CRIM1: variants seen among roughly 807,000 people sequenced by gnomAD.
CRIM1 encodes the protein cysteine rich transmembrane BMP regulator 1.
A neutral mutation model predicts 116.4 loss-of-function variants in CRIM1; 32 were observed. The ratio of observed to expected loss-of-function variants is 0.27; its 90% CI spans 0.21 to 0.37. CRIM1 has a LOEUF of 0.37. Among genes scored for constraint, CRIM1 ranks in the 10% least tolerant of loss-of-function variants. CRIM1 has a pLI of 1.00. For synonymous variants in CRIM1, 590 were observed against 509.2 expected, an observed-to-expected ratio of 1.16 and a Z score of -2.13; for missense variants, 1,331 against 1,354.8, an observed-to-expected ratio of 0.98 and a Z score of 0.28.
chr2:36,513,143 A>C (rs910370862), intron 10 of CRIM1: 7 of 209,494 alleles, frequency 3.3e-5, no homozygotes, highest in Non-Finnish European at 5.8e-5. Context: ...TCACTGCTTT[A>C]ATTGTTCTGC....
At chr2:36,547,576 TACTC>T (rs1667441183) in intron 16 of CRIM1, among the ~76,000 whole-genome samples, 3 of 152,094 alleles carry the variant, frequency 2.0e-5, no homozygotes, top group Admixed American at 6.6e-5. Flanking sequence ...ATGGAGATAA[TACTC>T]AGGAGAGGGC....
rs1679035743 is a variant in CRIM1, at chr2:36,477,034, C to T, written c.1137C>T (p.Tyr379=). The T allele has an allele frequency of 1.9e-6, 3 of 1,613,460 alleles. No individual in the cohort carries two copies. The highest frequency in any genetic ancestry group is 4.5e-5 in the East Asian group (2 of 44,848). Residue 379 remains tyrosine, a synonymous_variant, in exon 6 of 17, where the codon TAC becomes TAT. Transcript: ENST00000280527. ...AQCGEINCER[Y]YVPEGECCPV... ...GTGGTGAGATAAACTGCGAGAGGTA[C>T]TACGTGCCCGAAGGAGAGTGCTGCC... is the stretch of plus-strand genomic sequence containing the variant.
intron 2 of CRIM1, among the ~76,000 whole-genome samples, chr2:36,418,958 G>A (rs1192003736): frequency 6.6e-6 from 1 of 152,038 alleles, no homozygotes; most frequent in Admixed American, 6.6e-5. Context: ...GGCTGTATAG[G>A]TTCTGTCTCC....
chr2:36,511,970 C>T (rs1190895259), intron 9 of CRIM1, among the ~76,000 whole-genome samples: 1 of 152,208 alleles, frequency 6.6e-6, no homozygotes, highest in Non-Finnish European at 1.5e-5. Context: ...TGGAGTTGCA[C>T]ATTCATCTTT....
intron 7 of CRIM1, among the ~76,000 whole-genome samples, chr2:36,487,367 A>G (rs766666346): frequency 2.0e-5 from 3 of 152,190 alleles, no homozygotes; most frequent in Non-Finnish European, 4.4e-5. Context: ...TCCTTTCACA[A>G]GTTATATGGG....
chr2:36,417,807 A>AGT (rs1673741141), intron 2 of CRIM1, among the ~76,000 whole-genome samples: 1 of 152,232 alleles, frequency 6.6e-6, no homozygotes, highest in Non-Finnish European at 1.5e-5. Context: ...GAATGAAATA[A>AGT]GTACTTTCAT....
At chr2:36,498,106 G>C (rs946352225) in intron 7 of CRIM1, among the ~76,000 whole-genome samples, 7 of 152,212 alleles carry the variant, frequency 4.6e-5, no homozygotes. Context: ...GTGAGCAACA[G>C]CTTACTTTGA....
intron 5 of CRIM1, among the ~76,000 whole-genome samples, chr2:36,470,346 CA>C (rs536841510): frequency 1.2e-3 from 177 of 152,298 alleles, no homozygotes; most frequent in African/African-American, 4.0e-3. Context: ...CTACACTAAA[CA>C]ACAGATATTC....
At chr2:36,361,626 C>T (rs1024350350) in intron 1 of CRIM1, among the ~76,000 whole-genome samples, 1 of 152,006 alleles carries the variant, frequency 6.6e-6, no homozygotes, top group Non-Finnish European at 1.5e-5. Context: ...AAGAATAATC[C>T]AAAACACATT....
intron 1 of CRIM1, among the ~76,000 whole-genome samples, chr2:36,362,413 T>C (rs561095974): frequency 6.7e-4 from 102 of 152,270 alleles, no homozygotes; most frequent in Non-Finnish European, 5.6e-4. Flanking sequence ...GCCTGTGCAA[T>C]TGGTCTCAGT....
At chr2:36,360,589 G>T (rs1051661996) in intron 1 of CRIM1, among the ~76,000 whole-genome samples, 9 of 152,142 alleles carry the variant, frequency 5.9e-5, no homozygotes, top group African/African-American at 2.2e-4. Context: ...TTTGTTTCCT[G>T]AAACTTGCCA....
chr2:36,413,940 G>A (rs1673412110), intron 2 of CRIM1, among the ~76,000 whole-genome samples: 3 of 152,148 alleles, frequency 2.0e-5, no homozygotes, highest in African/African-American at 4.8e-5. Context: ...GGTGAGATCC[G>A]ATTTTCCATT....
rs1677164633 is a variant in CRIM1, at chr2:36,456,748, T to C, written c.870-7786T>C. ...ACAGGGGCACGGGCCCTGCGATTAC[T>C]TTCAGCTGTGTTTCTGCTGTGTCTG... On this transcript the variant is annotated intron_variant, in intron 4 of 16. Coordinates refer to ENST00000280527, the MANE Select transcript of CRIM1 (RefSeq NM_016441.3). Among the ~76,000 whole-genome samples the C allele has an allele frequency of 2.0e-5, 3 of 152,142 alleles. No individual in the cohort carries two copies. The East Asian group carries it at 5.8e-4, about 29-fold the overall frequency.
At chr2:36,501,448 G>A (rs1052218260) in intron 8 of CRIM1, among the ~76,000 whole-genome samples, 1 of 152,216 alleles carries the variant, frequency 6.6e-6, no homozygotes, top group Non-Finnish European at 1.5e-5. Context: ...GCCAGGCGTG[G>A]TGGCTCACAC....
In CRIM1 at chr2:36,547,007, T is replaced by G. The variant is rs772429458; in HGVS notation, c.2770T>G (p.Tyr924Asp). The G allele has an allele frequency of 1.4e-5, 22 of 1,610,192 alleles. No homozygotes were observed. Among genetic ancestry groups the G allele is most frequent in the Admixed American group, 1.7e-5 (1 of 59,618 alleles). Residue 924 changes from tyrosine (Y) to aspartate (D), a missense_variant, in exon 16 of 17, where the codon TAC becomes GAC. Physicochemically the swap from Tyr to Asp is radical, Grantham distance 160. Coordinates refer to ENST00000280527, the MANE Select transcript of CRIM1 (RefSeq NM_016441.3). ...AGATATGGGTCACCTCCAGGTAGATTACAGAGATAACAGGCTGCACCCAAG... is the reference window on the plus strand; with the variant it reads ...AGATATGGGTCACCTCCAGGTAGATGACAGAGATAACAGGCTGCACCCAAG... ...PRDMGHLQVD[Y>D]RDNRLHPSED...
chr2:36,410,766 C>T (rs1673143801), intron 2 of CRIM1, among the ~76,000 whole-genome samples: 1 of 152,028 alleles, frequency 6.6e-6, no homozygotes, highest in Non-Finnish European at 1.5e-5. Context: ...ATCTGCCTCA[C>T]AGACCTTTTA....
At chr2:36,527,556 ACTTAAC>A (rs1170685751) in intron 13 of CRIM1, among the ~76,000 whole-genome samples, 2 of 152,042 alleles carry the variant, frequency 1.3e-5, no homozygotes, top group African/African-American at 4.8e-5. Flanking sequence ...ATTAAATAAT[ACTTAAC>A]CTTAATAGGG....
At chr2:36,526,584 C>T (rs114128053) in intron 13 of CRIM1, among the ~76,000 whole-genome samples, 1,591 of 152,234 alleles carry the variant, frequency 0.01, 17 homozygotes, top group African/African-American at 0.036. Flanking sequence ...TACCACACCA[C>T]TCATATGCCT....
intron 12 of CRIM1, 59 bp from the exon 13 acceptor site, chr2:36,522,033 G>C: frequency 7.0e-7 from 1 of 1,438,394 alleles, no homozygotes; most frequent in Non-Finnish European, 9.8e-7. Flanking sequence ...AACACACTAT[G>C]TTGCATAGTT....
Sources: gnomAD v4.1 joint callset for allele counts (sites outside exome capture counted in the v4.1 genomes callset) on GRCh38, gnomAD v4.1.1 for gene constraint, MANE v1.5 for transcripts, NCBI Gene and HGNC (gene_info 2026-07-23, HGNC 2026-07-21) for gene names.